COL12A1: variants seen among roughly 807,000 people sequenced by gnomAD.
COL12A1 encodes the protein collagen type XII alpha 1 chain, also known as collagen alpha-1(XII) chain.
A neutral mutation model predicts 349.7 loss-of-function variants in COL12A1; 114 were observed. That is an observed-to-expected ratio of 0.33 (90% CI 0.28 to 0.38). The LOEUF (loss-of-function observed/expected upper bound fraction) is 0.38, where lower values mean the gene tolerates loss of function less well. Among genes scored for constraint, COL12A1 ranks in the 10% least tolerant of loss-of-function variants. COL12A1 has a pLI of 1.00. For missense variants in COL12A1, 3,284 were observed against 3,756.9 expected (o/e 0.87, Z 3.29); for synonymous variants, 1,369 against 1,329.0 (o/e 1.03, Z -0.66).
chr6:75,115,944 A>G (rs747679544), intron 48 of COL12A1, 22 bp from the exon 49 acceptor site: 2 of 1,612,228 alleles, frequency 1.2e-6, no homozygotes, highest in South Asian at 1.1e-5. Flanking sequence ...AAAAGAAAAT[A>G]TTAAACGGAG....
intron 33 of COL12A1, among the ~76,000 whole-genome samples, 200 bp from the exon 34 acceptor site, chr6:75,133,622 C>A (rs1194478068): frequency 2.0e-5 from 3 of 152,168 alleles, no homozygotes; most frequent in African/African-American, 7.2e-5. Flanking sequence ...ATACTCCCCA[C>A]TTAGAACTTC....
In COL12A1 at chr6:75,188,502, T is replaced by C. The variant is rs1018829245; in HGVS notation, c.857A>G (p.Gln286Arg). 1.2e-6 allele frequency: 2 copies of C among 1,613,358 alleles called. No homozygotes were observed. Among genetic ancestry groups the C allele is most frequent in the Non-Finnish European group, 1.7e-6 (2 of 1,179,562 alleles). The change falls in exon 8 of 66, where the codon CAA becomes CGA. Residue 286 changes from glutamine to arginine, a missense_variant. Physicochemically the swap from Gln to Arg is conservative, Grantham distance 43. This residue lies in a region of COL12A1 where 2,601 missense variants were observed against 2,824.8 expected (regional missense o/e 0.92). Transcript: ENST00000322507. ...GTTCAGTGAAGGTGTGGAGGCAATT[T>C]GTTTGAGTTCTTTTGCATCTGCAGC... ...IKAADAKELKQIASTPSLNHV... is the reference protein window; with the variant it reads ...IKAADAKELKRIASTPSLNHV...
At chr6:75,196,081 T>C (rs1186427367) in intron 2 of COL12A1, among the ~76,000 whole-genome samples, 1 of 152,150 alleles carries the variant, frequency 6.6e-6, no homozygotes, top group Non-Finnish European at 1.5e-5. Flanking sequence ...CACAAAGACG[T>C]TTCCTAAATA....
chr6:75,138,730 T>C, intron 28 of COL12A1, 92 bp downstream of exon 28: 2 of 1,574,186 alleles, frequency 1.3e-6, no homozygotes, highest in Middle Eastern at 1.7e-4. Context: ...AAATGCTTAT[T>C]GACAACAAGA....
chr6:75,096,446 G>A (rs531108224), intron 59 of COL12A1, among the ~76,000 whole-genome samples: 1 of 152,138 alleles, frequency 6.6e-6, no homozygotes, highest in Non-Finnish European at 1.5e-5. Flanking sequence ...CAAGTATACA[G>A]ATGCCAGTTT....
rs1442512910 is a variant in COL12A1, at chr6:75,151,949, G to A, written c.3918C>T (p.Leu1306=). 2 of 1,613,808 alleles carry A rather than the reference G, an allele frequency of 1.2e-6. No homozygotes were observed. The highest frequency in any genetic ancestry group is 1.7e-5 in the Admixed American group (1 of 59,984). The change falls in exon 20 of 66, where the codon CTC becomes CTT. Residue 1306 remains leucine (L), a synonymous_variant. Transcript: ENST00000322507. ...CGTCTTGTGATTTTCCATCAGTAAT[G>A]AGCACACCAATTTTTCGAGCTCGAG... ...MRPRARKIGV[L]ITDGKSQDDV...
At chr6:75,174,162 G>C (rs1452183986) in intron 13 of COL12A1, among the ~76,000 whole-genome samples, 1 of 152,150 alleles carries the variant, frequency 6.6e-6, no homozygotes, top group Non-Finnish European at 1.5e-5. Context: ...CAAGGAAACT[G>C]CTCCAGTCTT....
chr6:75,187,620 T>C (rs1483860519), intron 8 of COL12A1, among the ~76,000 whole-genome samples: 1 of 152,126 alleles, frequency 6.6e-6, no homozygotes, highest in Non-Finnish European at 1.5e-5. Context: ...TTAGGGCCAA[T>C]GAACATTTTG....
chr6:75,100,769 G>A (rs141163257), intron 58 of COL12A1, among the ~76,000 whole-genome samples: 1 of 152,278 alleles, frequency 6.6e-6, no homozygotes, highest in Non-Finnish European at 1.5e-5. Flanking sequence ...AGTGACAGCT[G>A]TTATAGTACT....
rs765784708 is a variant in COL12A1 at position 75,177,875 on chromosome 6, G to C, written c.2225C>G (p.Thr742Ser). The C allele has an allele frequency of 3.1e-6, 5 of 1,613,512 alleles. No homozygotes were observed. The African/African-American group carries it at 4.0e-5, about 13-fold the overall frequency. Residue 742 changes from threonine to serine, a missense_variant, in exon 12 of 66, where the codon ACT (threonine) becomes AGT (serine). Thr to Ser is a moderately conservative substitution (Grantham distance 58). Coordinates refer to ENST00000322507, the MANE Select transcript of COL12A1 (RefSeq NM_004370.6). ...AACTCTCCCTGGAGCTTGAGTCCAA[G>C]TAATTTTGAAACTATCTGTAGTCTC... ...TDETTDSFKI[T>S]WTQAPGRVLR...
At chr6:75,150,535 T>G (rs1767428659) in intron 21 of COL12A1, among the ~76,000 whole-genome samples, 2 of 152,174 alleles carry the variant, frequency 1.3e-5, no homozygotes. Context: ...ATTATAAGTG[T>G]AAAGTTTCAA....
chr6:75,204,060 G>A (rs1203346311), intron 1 of COL12A1, among the ~76,000 whole-genome samples: 1 of 152,222 alleles, frequency 6.6e-6, no homozygotes, highest in African/African-American at 2.4e-5. Flanking sequence ...TTAAATGTCT[G>A]ATGAGCAGGC....
chr6:75,154,057 A>G (rs1767628362), intron 17 of COL12A1, among the ~76,000 whole-genome samples: 1 of 151,936 alleles, frequency 6.6e-6, no homozygotes, highest in African/African-American at 2.4e-5. Context: ...AAATGCATTA[A>G]TAAATTTAAT....
chr6:75,098,287 C>G (rs1430623008), intron 58 of COL12A1, among the ~76,000 whole-genome samples: 1 of 152,184 alleles, frequency 6.6e-6, no homozygotes, highest in African/African-American at 2.4e-5. Flanking sequence ...ATTTCCTGAG[C>G]AACTGTCAGA....
At chr6:75,130,266 C>T in intron 36 of COL12A1, 33 bp from the exon 37 acceptor site, 1 of 1,605,756 alleles carries the variant, frequency 6.2e-7, no homozygotes, top group Non-Finnish European at 8.5e-7. Context: ...AGTTTGTTGC[C>T]TGCCTGTGAG....
At chr6:75,115,674 A>T in intron 49 of COL12A1, 110 bp downstream of exon 49, 1 of 1,332,754 alleles carries the variant, frequency 7.5e-7, no homozygotes, top group Non-Finnish European at 1.0e-6. Context: ...GGTCATCCAT[A>T]AGCAGTCTTC....
Position 75,183,117 on chromosome 6 carries a change from T to C in COL12A1, c.1824A>G (p.Ile608Met). ...AGATAGACTGTGTGAGTTCAAAAGA[T>C]ATCCTCTGAAAAGCATCAAAATCTT... is the stretch of plus-strand genomic sequence containing the variant. The part of the protein sequence containing the change: ...TVEDFDAFQR[I>M]SFELTQSICL... The change falls in exon 10 of 66, where the codon ATA (isoleucine) becomes ATG (methionine). Residue 608 changes from isoleucine (I) to methionine (M), a missense_variant. Transcript: ENST00000322507. The C allele has an allele frequency of 6.2e-7, 1 of 1,614,162 alleles. No homozygotes were observed. The highest frequency in any genetic ancestry group is 8.5e-7 in the Non-Finnish European group (1 of 1,180,024).
chr6:75,108,271 A>T (rs1293123740), intron 52 of COL12A1, among the ~76,000 whole-genome samples: 1 of 151,282 alleles, frequency 6.6e-6, no homozygotes, highest in East Asian at 1.9e-4. Context: ...TCTTTTTTAT[A>T]GAGACAGGGT....
chr6:75,090,088 T>G lies in COL12A1; in HGVS notation c.8941+22A>C, dbSNP rs375197489. On this transcript the variant is annotated intron_variant, in intron 63 of 65. Coordinates refer to ENST00000322507, the MANE Select transcript of COL12A1 (RefSeq NM_004370.6). The surrounding 1 kb of genome is among the most constrained non-coding windows in gnomAD (Gnocchi z 4.1). ...TTGCAAATTCCTTCCTTTATCCCAA[T>G]ACAGAAGCCAGAAATGCCTACCTCG... 6.2e-7 allele frequency: 1 copy of G among 1,611,640 alleles called. No individual in the cohort carries two copies. The highest frequency in any genetic ancestry group is 2.2e-5 in the East Asian group (1 of 44,840).
Sources: gnomAD v4.1 joint callset for allele counts (sites outside exome capture counted in the v4.1 genomes callset) on GRCh38, gnomAD v4.1.1 for gene constraint, gnomAD v4.1.1 regional missense constraint, Gnocchi (gnomAD v3.1) non-coding constraint, MANE v1.5 for transcripts, NCBI Gene and HGNC (gene_info 2026-07-23, HGNC 2026-07-21) for gene names.